The following CTNND2 variants were observed in gnomAD, a reference collection of about 807,000 sequenced individuals.
The protein encoded by CTNND2 is catenin delta-2.
A neutral mutation model predicts 144.4 loss-of-function variants in CTNND2; 22 were observed. The ratio of observed to expected loss-of-function variants is 0.15; its 90% CI spans 0.11 to 0.22. The LOEUF (loss-of-function observed/expected upper bound fraction) is 0.22, where lower values mean the gene tolerates loss of function less well. CTNND2 is among the 10% of genes least tolerant of loss of function. CTNND2 has a pLI of 1.00. For missense variants in CTNND2, 1,353 were observed against 1,618.8 expected (o/e 0.84, Z 2.82); for synonymous variants, 751 against 695.6 (o/e 1.08, Z -1.25).
At chr5:11,555,931 T>A (rs1776196710) in intron 3 of CTNND2, among the ~76,000 whole-genome samples, 1 of 152,154 alleles carries the variant, frequency 6.6e-6, no homozygotes, top group Non-Finnish European at 1.5e-5. Context: ...TTCTTCTGGT[T>A]TTGTAGTGAA....
At chr5:11,161,906 C>T (rs1216142855) in intron 11 of CTNND2, among the ~76,000 whole-genome samples, 1 of 152,130 alleles carries the variant, frequency 6.6e-6, no homozygotes, top group Non-Finnish European at 1.5e-5. Context: ...AATATCAGCA[C>T]TTTGGGAGGC....
At chr5:11,899,014 T>C (rs1737643575) in intron 1 of CTNND2, among the ~76,000 whole-genome samples, 1 of 152,226 alleles carries the variant, frequency 6.6e-6, no homozygotes, top group Non-Finnish European at 1.5e-5. Flanking sequence ...GGCACTTTTT[T>C]GTCTTCACTG....
intron 10 of CTNND2, among the ~76,000 whole-genome samples, chr5:11,227,573 G>A (rs1489130251): frequency 6.6e-6 from 1 of 152,158 alleles, no homozygotes; most frequent in Non-Finnish European, 1.5e-5. Flanking sequence ...CGAACTATAT[G>A]AGGTAGAAAG....
chr5:11,900,998 T>TCCCAAACA (rs1348337611), intron 1 of CTNND2, among the ~76,000 whole-genome samples: 1 of 152,172 alleles, frequency 6.6e-6, no homozygotes, highest in Non-Finnish European at 1.5e-5. Flanking sequence ...AAATGGGTGT[T>TCCCAAACA]CCCATTTTCT....
At chr5:11,377,971 T>C (rs1758103773) in intron 7 of CTNND2, among the ~76,000 whole-genome samples, 1 of 152,152 alleles carries the variant, frequency 6.6e-6, no homozygotes, top group Non-Finnish European at 1.5e-5. Context: ...GCTTAGCATG[T>C]ATAAAGGATG....
intron 11 of CTNND2, among the ~76,000 whole-genome samples, chr5:11,186,538 T>C (rs1369700205): frequency 6.6e-6 from 1 of 152,224 alleles, no homozygotes; most frequent in Non-Finnish European, 1.5e-5. Context: ...TTTCATTGGA[T>C]AGTGTAGTTA....
At chr5:11,728,096 A>G (rs551551338) in intron 2 of CTNND2, among the ~76,000 whole-genome samples, 28 of 152,364 alleles carry the variant, frequency 1.8e-4, no homozygotes, top group African/African-American at 6.3e-4. Flanking sequence ...TTTTAAATGA[A>G]TCTTTTTAAA....
intron 9 of CTNND2, among the ~76,000 whole-genome samples, chr5:11,292,754 C>G (rs1748491140): frequency 6.6e-6 from 1 of 152,124 alleles, no homozygotes; most frequent in Non-Finnish European, 1.5e-5. Context: ...AGTGTGAGAA[C>G]AGACTAATAC....
At chr5:11,459,172 T>G (rs1765986332) in intron 3 of CTNND2, among the ~76,000 whole-genome samples, 1 of 152,226 alleles carries the variant, frequency 6.6e-6, no homozygotes, top group East Asian at 1.9e-4. Context: ...TAGTGGCTAT[T>G]ACAAGTTTTT....
chr5:11,489,987 A>G (rs1210333569), intron 3 of CTNND2, among the ~76,000 whole-genome samples: 1 of 152,146 alleles, frequency 6.6e-6, no homozygotes, highest in Non-Finnish European at 1.5e-5. Flanking sequence ...CCAGCCCAGT[A>G]CCACTCCTGG....
At chr5:11,729,819 C>T (rs1047487656) in intron 2 of CTNND2, among the ~76,000 whole-genome samples, 1 of 152,102 alleles carries the variant, frequency 6.6e-6, no homozygotes, top group African/African-American at 2.4e-5. Context: ...ATGTGGATTC[C>T]TCCAAGCCTT....
intron 9 of CTNND2, among the ~76,000 whole-genome samples, chr5:11,294,696 G>A (rs1748715480): frequency 6.6e-6 from 1 of 152,052 alleles, no homozygotes; most frequent in Admixed American, 6.6e-5. Flanking sequence ...ATCAATAAAC[G>A]TAATCCAGCA....
intron 3 of CTNND2, among the ~76,000 whole-genome samples, chr5:11,503,528 TTTAATCAA>T (rs1770731479): frequency 6.6e-6 from 1 of 152,222 alleles, no homozygotes; most frequent in Non-Finnish European, 1.5e-5. Context: ...GATAATAAGC[TTTAATCAA>T]TTAATCAATC....
chr5:10,996,392 CT>C (rs1389186871), intron 18 of CTNND2, among the ~76,000 whole-genome samples: 2 of 139,044 alleles, frequency 1.4e-5, no homozygotes, highest in Non-Finnish European at 3.0e-5. Context: ...GGAGATCCTT[CT>C]CAAAAGAGCA....
chr5:11,463,307 T>C (rs1766381565), intron 3 of CTNND2, among the ~76,000 whole-genome samples: 1 of 152,246 alleles, frequency 6.6e-6, no homozygotes, highest in Non-Finnish European at 1.5e-5. Flanking sequence ...TGCACAGTTA[T>C]ATAAATATGC....
At chr5:11,115,692 AACAC>A (rs1323104799) in intron 13 of CTNND2, among the ~76,000 whole-genome samples, 1 of 152,226 alleles carries the variant, frequency 6.6e-6, no homozygotes, top group Non-Finnish European at 1.5e-5. Flanking sequence ...TGAAACTAAA[AACAC>A]ACAGTCAGTG....
At chr5:11,568,960 A>G (rs146343276) in intron 2 of CTNND2, among the ~76,000 whole-genome samples, 1 of 152,330 alleles carries the variant, frequency 6.6e-6, no homozygotes, top group East Asian at 1.9e-4. Flanking sequence ...AAACTAATTC[A>G]GCAAAAGTGA....
Position 11,017,929 on chromosome 5 carries a change from C to G in CTNND2, c.3084+45G>C, listed in dbSNP as rs373435939. 2.7e-6 allele frequency: 4 copies of G among 1,478,182 alleles called. No homozygotes were observed. In the South Asian group the frequency reaches 3.4e-5, roughly 13 times the overall value. The allele number at this position is 1,478,182 out of a possible 1,614,324, so 91.6% of individuals were successfully genotyped here. On this transcript the variant is annotated intron_variant, in intron 18 of 21. Coordinates refer to ENST00000304623, the MANE Select transcript of CTNND2 (RefSeq NM_001332.4). ...ACGTCTGTGACGCCTCTCAGGGTCC[C>G]GTGTTGAGTGTTTGGACTCAGGGCC...
At chr5:11,853,453 A>G (rs77130498) in intron 1 of CTNND2, among the ~76,000 whole-genome samples, 1,970 of 151,846 alleles carry the variant, frequency 0.013, 37 homozygotes, top group African/African-American at 0.044. Context: ...ATTTACATTC[A>G]CTTTCTTGGA....
Sources: allele counts gnomAD v4.1 joint callset (sites outside exome capture counted in the v4.1 genomes callset), GRCh38; gene constraint gnomAD v4.1.1; transcripts MANE v1.5; gene names NCBI Gene and HGNC (gene_info 2026-07-23, HGNC 2026-07-21).